FAM13A: variants seen among roughly 807,000 people sequenced by gnomAD.
FAM13A encodes family with sequence similarity 13 member A.
FAM13A carries 76 observed loss-of-function variants against 129.6 expected under a neutral mutation model. The ratio of observed to expected loss-of-function variants is 0.59; its 90% CI spans 0.49 to 0.71. FAM13A has a LOEUF of 0.71. Among genes scored for constraint, FAM13A ranks in the 30% least tolerant of loss-of-function variants. FAM13A has a pLI of 0.00. For missense variants in FAM13A, 1,108 were observed against 1,249.3 expected (o/e 0.89, Z 1.70); for synonymous variants, 443 against 449.9 (o/e 0.98, Z 0.20).
Position 88,758,897 on chromosome 4 carries a change from G to A in FAM13A, c.1583C>T (p.Pro528Leu). 6.2e-6 allele frequency: 10 copies of A among 1,613,398 alleles called. No individual in the cohort carries two copies. The highest frequency in any genetic ancestry group is 8.5e-6 in the Non-Finnish European group (10 of 1,179,658). Reference sequence around the variant, plus strand: ...GGGATGCTCCTGGATCTTCATTGTGGGGCTCTGCAATAACAGCACAATGTC... The same window carrying A: ...GGGATGCTCCTGGATCTTCATTGTGAGGCTCTGCAATAACAGCACAATGTC... ...DGGHTQHFES[P>L]TMKIQEHPSL... Residue 528 changes from proline (P) to leucine (L), a missense_variant, in exon 14 of 24, where the codon CCC becomes CTC. Around this residue, in one of 3 missense-constraint regions of FAM13A, gnomAD observed 529 missense variants for 621.2 expected, o/e 0.85. Transcript: ENST00000264344.
At chr4:88,796,608 T>C (rs934876298) in intron 8 of FAM13A, among the ~76,000 whole-genome samples, 1 of 152,086 alleles carries the variant, frequency 6.6e-6, no homozygotes, top group Non-Finnish European at 1.5e-5. Flanking sequence ...TTTAAATTTA[T>C]ATGATTTGAT....
intron 7 of FAM13A, among the ~76,000 whole-genome samples, chr4:88,812,936 T>G (rs1729953898): frequency 6.6e-6 from 1 of 152,226 alleles, no homozygotes; most frequent in African/African-American, 2.4e-5. Flanking sequence ...CTCTGATATC[T>G]GTACATTGAT....
chr4:88,743,467 A>G (rs780512452), intron 19 of FAM13A, among the ~76,000 whole-genome samples: 13 of 152,222 alleles, frequency 8.5e-5, no homozygotes, highest in Non-Finnish European at 1.9e-4. Flanking sequence ...TAAGAGCTAG[A>G]AAAGCCTTAT....
At chr4:88,999,968 T>C (rs975480961) in intron 3 of FAM13A, among the ~76,000 whole-genome samples, 3 of 152,230 alleles carry the variant, frequency 2.0e-5, no homozygotes, top group Admixed American at 2.0e-4. Context: ...TTGTTGACTA[T>C]GTCTTTTCTT....
chr4:88,813,028 A>C (rs1729973270), intron 7 of FAM13A, among the ~76,000 whole-genome samples: 1 of 152,136 alleles, frequency 6.6e-6, no homozygotes, highest in Non-Finnish European at 1.5e-5. Flanking sequence ...ATCCTTACTT[A>C]AAGAAAATCA....
chr4:88,984,446 TAA>T (rs1762005222), intron 4 of FAM13A, among the ~76,000 whole-genome samples: 1 of 152,050 alleles, frequency 6.6e-6, no homozygotes, highest in South Asian at 2.1e-4. Context: ...AACTCATCAA[TAA>T]AGACAAATAA....
chr4:88,938,679 GA>G (rs1253252453), intron 4 of FAM13A, among the ~76,000 whole-genome samples: 1 of 152,102 alleles, frequency 6.6e-6, no homozygotes, highest in African/African-American at 2.4e-5. Flanking sequence ...TACTTCTGGG[GA>G]AAAATAATGA....
At chr4:88,997,700 G>A (rs1366258662) in intron 3 of FAM13A, among the ~76,000 whole-genome samples, 3 of 152,034 alleles carry the variant, frequency 2.0e-5, no homozygotes, top group Non-Finnish European at 4.4e-5. Flanking sequence ...AAGTTATACT[G>A]TACTCATAAT....
intron 6 of FAM13A, among the ~76,000 whole-genome samples, chr4:88,876,882 C>T (rs568443897): frequency 2.6e-5 from 4 of 152,326 alleles, no homozygotes; most frequent in Non-Finnish European, 5.9e-5. Flanking sequence ...TGAGCCACCG[C>T]GCCCAGACCG....
At chr4:88,947,557 A>G (rs1459823950) in intron 4 of FAM13A, among the ~76,000 whole-genome samples, 1 of 152,160 alleles carries the variant, frequency 6.6e-6, no homozygotes, top group Non-Finnish European at 1.5e-5. Flanking sequence ...TGGCATAATA[A>G]TAAATTTCTG....
At position 88,867,989 on chromosome 4, in the gene FAM13A, C is replaced by T. The variant is rs1344751892; in HGVS notation, c.844-16806G>A. 2.0e-5 allele frequency among the ~76,000 whole-genome samples: 3 copies of T among 152,122 alleles called. No individual in the cohort carries two copies. The South Asian group carries it at 6.2e-4, about 31-fold the overall frequency. ...TTACATTTTATTGTACTGAAACTCACTTCTAAAGTTTCCAAACAGAGAAGT... is the reference window on the plus strand; with the variant it reads ...TTACATTTTATTGTACTGAAACTCATTTCTAAAGTTTCCAAACAGAGAAGT... On this transcript the variant is annotated intron_variant, in intron 6 of 23. Transcript: ENST00000264344.
chr4:88,754,694 A>T (rs550982315), intron 14 of FAM13A, among the ~76,000 whole-genome samples: 1 of 152,368 alleles, frequency 6.6e-6, no homozygotes, highest in African/African-American at 2.4e-5. Flanking sequence ...ATTTAACTTT[A>T]GAACAATGTT....
chr4:88,887,176 G>A (rs1744562930), intron 6 of FAM13A, among the ~76,000 whole-genome samples: 1 of 151,902 alleles, frequency 6.6e-6, no homozygotes, highest in South Asian at 2.1e-4. Flanking sequence ...ACTACACATT[G>A]GGTACAGTGT....
intron 6 of FAM13A, among the ~76,000 whole-genome samples, chr4:88,888,752 C>T (rs1744850637): frequency 6.7e-6 from 1 of 150,274 alleles, no homozygotes; most frequent in Admixed American, 6.7e-5. Context: ...AGTGAAACCC[C>T]GTCTCTACTA....
chr4:88,984,686 T>C (rs1000164954), intron 4 of FAM13A, among the ~76,000 whole-genome samples: 17 of 152,192 alleles, frequency 1.1e-4, no homozygotes, highest in Middle Eastern at 3.2e-3. Context: ...TACATGGCCA[T>C]GTGTCTTTCT....
intron 10 of FAM13A, among the ~76,000 whole-genome samples, chr4:88,782,823 A>G (rs912111717): frequency 6.6e-6 from 1 of 152,118 alleles, no homozygotes; most frequent in South Asian, 2.1e-4. Context: ...ATGTTCCTCA[A>G]TCTCTCCCCT....
At chr4:88,759,211 A>G (rs1744312633) in intron 13 of FAM13A, 1 of 266,196 alleles carries the variant, frequency 3.8e-6, no homozygotes, top group Non-Finnish European at 7.4e-6. Context: ...GTTTTCTTAA[A>G]GGAGTATGGC....
intron 5 of FAM13A, among the ~76,000 whole-genome samples, chr4:88,915,638 C>A (rs1037094980): frequency 2.6e-5 from 4 of 152,126 alleles, no homozygotes; most frequent in Non-Finnish European, 5.9e-5. Context: ...AAATGAATTG[C>A]AGCAGGGGTG....
intron 8 of FAM13A, among the ~76,000 whole-genome samples, chr4:88,804,580 G>C (rs919835812): frequency 6.6e-6 from 1 of 152,084 alleles, no homozygotes; most frequent in Non-Finnish European, 1.5e-5. Context: ...CTATAAACTT[G>C]CTGAATATTT....
Sources: allele counts gnomAD v4.1 joint callset (sites outside exome capture counted in the v4.1 genomes callset), GRCh38; gene constraint gnomAD v4.1.1; regional missense constraint gnomAD v4.1.1; transcripts MANE v1.5; gene names NCBI Gene and HGNC (gene_info 2026-07-23, HGNC 2026-07-21).